FRMD4B: variants seen among roughly 807,000 people sequenced by gnomAD.
FRMD4B encodes FERM domain containing 4B.
Under a neutral mutation model 141.5 loss-of-function variants are expected in FRMD4B, and 74 were observed. The observed-to-expected ratio is 0.52, with a 90% confidence interval of 0.43 to 0.63. The LOEUF (loss-of-function observed/expected upper bound fraction) is 0.63. Ranked by LOEUF, FRMD4B falls within the 30% of genes least tolerant of loss-of-function variation. The pLI is 0.00. For missense variants in FRMD4B, 1,366 were observed against 1,253.4 expected, an observed-to-expected ratio of 1.09 and a Z score of -1.36; for synonymous variants, 506 against 467.9, an observed-to-expected ratio of 1.08 and a Z score of -1.05.
intron 11 of FRMD4B, among the ~76,000 whole-genome samples, chr3:69,210,266 C>T (rs748605959): frequency 1.3e-5 from 2 of 152,194 alleles, no homozygotes; most frequent in Non-Finnish European, 2.9e-5. Flanking sequence ...TCTGGTTTTC[C>T]AGGGGAAGTA....
chr3:69,212,985 A>T (rs1575615333), intron 11 of FRMD4B, among the ~76,000 whole-genome samples: 1 of 151,784 alleles, frequency 6.6e-6, no homozygotes, highest in Non-Finnish European at 1.5e-5. Context: ...GGGTTTTTTT[A>T]TTATGCTCTG....
intron 1 of FRMD4B, among the ~76,000 whole-genome samples, chr3:69,445,260 A>C (rs114001432): frequency 0.011 from 1,662 of 152,332 alleles, 36 homozygotes; most frequent in African/African-American, 0.039. Context: ...AGAATCACAG[A>C]AGGGGGACGA....
At chr3:69,241,057 A>C (rs746463541) in intron 7 of FRMD4B, among the ~76,000 whole-genome samples, 152 of 152,238 alleles carry the variant, frequency 1.0e-3, no homozygotes, top group Non-Finnish European at 1.3e-3. Flanking sequence ...CCAGTGGAGA[A>C]AGAAACTGAG....
At chr3:69,535,811 T>G in intron 1 of FRMD4B, 1 of 473,542 alleles carries the variant, frequency 2.1e-6, no homozygotes, top group Non-Finnish European at 4.4e-6. Context: ...GCAGCCTTGG[T>G]GTTTGGCCCC....
chr3:69,225,858 C>T (rs930518618), intron 7 of FRMD4B, among the ~76,000 whole-genome samples: 1 of 152,006 alleles, frequency 6.6e-6, no homozygotes, highest in Non-Finnish European at 1.5e-5. Context: ...AGGGTAGCTA[C>T]TCAAAATTCT....
chr3:69,521,379 T>A (rs1700850994), intron 1 of FRMD4B, among the ~76,000 whole-genome samples: 1 of 152,192 alleles, frequency 6.6e-6, no homozygotes, highest in Non-Finnish European at 1.5e-5. Context: ...TATCTCTCTT[T>A]CTTAATTGAT....
chr3:69,478,299 A>G (rs1036010888), intron 1 of FRMD4B, among the ~76,000 whole-genome samples: 14 of 151,854 alleles, frequency 9.2e-5, no homozygotes, highest in Non-Finnish European at 1.3e-4. Context: ...GTGATGTTAG[A>G]GTGTCAATTT....
chr3:69,425,678 T>C (rs369773908), intron 2 of FRMD4B, among the ~76,000 whole-genome samples: 70 of 152,232 alleles, frequency 4.6e-4, no homozygotes, highest in African/African-American at 1.6e-3. Flanking sequence ...ATTCATTCAA[T>C]CCTCACTGTG....
chr3:69,234,025 T>C (rs1397119141), intron 7 of FRMD4B, among the ~76,000 whole-genome samples: 1 of 152,120 alleles, frequency 6.6e-6, no homozygotes, highest in Non-Finnish European at 1.5e-5. Flanking sequence ...GGCTAGCAGA[T>C]CACTTGAGGT....
intron 5 of FRMD4B, 30 bp from the exon 6 acceptor site, chr3:69,250,129 A>G: frequency 6.7e-7 from 1 of 1,489,334 alleles, no homozygotes; most frequent in Non-Finnish European, 9.4e-7. Flanking sequence ...GCATCATTGA[A>G]CATGGGGCTG....
chr3:69,405,163 T>C (rs2106762869), intron 2 of FRMD4B, among the ~76,000 whole-genome samples: 1 of 152,388 alleles, frequency 6.6e-6, no homozygotes, highest in Admixed American at 6.5e-5. Context: ...TCTTTCTCCT[T>C]GCTCTTGCCA....
At chr3:69,246,343 C>A (rs1365946620) in intron 7 of FRMD4B, among the ~76,000 whole-genome samples, 2 of 152,038 alleles carry the variant, frequency 1.3e-5, no homozygotes, top group Non-Finnish European at 2.9e-5. Context: ...GTAGTCCCAG[C>A]CACTCAGGAG....
chr3:69,462,493 C>A (rs1257463134), intron 1 of FRMD4B, among the ~76,000 whole-genome samples: 1 of 152,210 alleles, frequency 6.6e-6, no homozygotes, highest in Non-Finnish European at 1.5e-5. Flanking sequence ...GGCCCAGGGC[C>A]ACTAACAGCA....
chr3:69,486,066 C>A (rs200943487), intron 1 of FRMD4B, among the ~76,000 whole-genome samples: 1 of 152,202 alleles, frequency 6.6e-6, no homozygotes, highest in Admixed American at 6.5e-5. Context: ...ATATTGGCTA[C>A]ATGGGGCAGT....
intron 5 of FRMD4B, among the ~76,000 whole-genome samples, chr3:69,282,170 G>T (rs1222115303): frequency 3.3e-5 from 5 of 152,090 alleles, no homozygotes; most frequent in African/African-American, 9.7e-5. Context: ...AGACATTGTG[G>T]TTTTATCAGT....
intron 5 of FRMD4B, 30 bp from the exon 6 acceptor site, chr3:69,250,129 ACATGG>A (rs2093452594): frequency 6.7e-7 from 1 of 1,489,216 alleles, no homozygotes; most frequent in Non-Finnish European, 9.4e-7. Flanking sequence ...GCATCATTGA[ACATGG>A]GGCTGTCCTA....
chr3:69,487,978 C>T (rs1302479005), intron 1 of FRMD4B, among the ~76,000 whole-genome samples: 1 of 150,604 alleles, frequency 6.6e-6, no homozygotes, highest in Non-Finnish European at 1.5e-5. Context: ...TAAATGTGTC[C>T]ATTGTAAAAT....
At chr3:69,407,864 A>G (rs1704675791) in intron 2 of FRMD4B, among the ~76,000 whole-genome samples, 1 of 152,088 alleles carries the variant, frequency 6.6e-6, no homozygotes, top group Admixed American at 6.6e-5. Context: ...AATATTAGGC[A>G]TTTGATTTTT....
chr3:69,212,450 T>G (rs969954225), intron 11 of FRMD4B, among the ~76,000 whole-genome samples: 1 of 128,324 alleles, frequency 7.8e-6, no homozygotes, highest in Admixed American at 7.9e-5. Context: ...TTTTTAAAAA[T>G]GGAGTGGCAT....
Sources: gnomAD v4.1 joint callset for allele counts (sites outside exome capture counted in the v4.1 genomes callset) on GRCh38, gnomAD v4.1.1 for gene constraint, MANE v1.5 for transcripts, NCBI Gene and HGNC (gene_info 2026-07-23, HGNC 2026-07-21) for gene names.